Variants in CLCA2 observed in about 807,000 individuals in gnomAD.
CLCA2 encodes chloride channel accessory 2.
In CLCA2, 85 loss-of-function variants were observed where a neutral mutation model predicts 82.9. The observed-to-expected ratio is 1.03, with a 90% CI of 0.86 to 1.23. The LOEUF (loss-of-function observed/expected upper bound fraction) is 1.23. CLCA2 is among the 50% of genes most tolerant of loss of function. The pLI is 0.00. For synonymous variants in CLCA2, 421 were observed against 391.7 expected, an observed-to-expected ratio of 1.07 and a Z score of -0.88; for missense variants, 1,089 against 1,124.8, an observed-to-expected ratio of 0.97 and a Z score of 0.45.
intron 5 of CLCA2, among the ~76,000 whole-genome samples, chr1:86,433,563 C>G (rs1397258890): frequency 1.3e-5 from 2 of 152,178 alleles, no homozygotes; most frequent in Non-Finnish European, 2.9e-5. Flanking sequence ...TAGGTACTAT[C>G]TTCACGATGT....
intron 5 of CLCA2, 31 bp from the exon 6 acceptor site, chr1:86,434,485 CCT>C: frequency 6.4e-7 from 1 of 1,558,070 alleles, no homozygotes; most frequent in Non-Finnish European, 8.8e-7. Context: ...GGGAGAAGTG[CCT>C]CTCTTTATTA....
In CLCA2 at chr1:86,447,674, A is replaced by G; in HGVS notation, c.1880A>G (p.Asn627Ser). 1.2e-6 allele frequency: 2 copies of G among 1,614,112 alleles called. No individual in the cohort carries two copies. The highest frequency in any genetic ancestry group is 1.7e-6 in the Non-Finnish European group (2 of 1,180,018). ...HFPHPVMIYA[N>S]VKQGFYPILN... ...CCTCATCCTGTGATGATTTATGCCA[A>G]TGTGAAACAGGGATTTTATCCCATT... Residue 627 changes from asparagine (N) to serine (S), a missense_variant, in exon 11 of 14, where the codon AAT (asparagine) becomes AGT (serine). By Grantham distance (46) the Asn-to-Ser change is conservative. Transcript: ENST00000370565.
intron 9 of CLCA2, among the ~76,000 whole-genome samples, chr1:86,443,525 G>T (rs1026555079): frequency 6.6e-6 from 1 of 152,146 alleles, no homozygotes; most frequent in African/African-American, 2.4e-5. Flanking sequence ...ATAATATGAG[G>T]ACAGCTAACA....
In CLCA2 at chr1:86,447,725, T is replaced by C. The variant is rs1396362290; in HGVS notation, c.1931T>C (p.Val644Ala). Residue 644 changes from valine (V) to alanine (A), a missense_variant, in exon 11 of 14, where the codon GTT (valine) becomes GCT (alanine). Val to Ala is a moderately conservative substitution (Grantham distance 64). Transcript: ENST00000370565. ...CTTAATGCCACTGTCACTGCCACAG[T>C]TGAGCCAGAGACTGGAGATCCTGTT... ...PILNATVTAT[V>A]EPETGDPVTL... is the part of the protein sequence containing the mutation. The C allele has an allele frequency of 3.7e-6, 6 of 1,614,020 alleles. No homozygotes were observed. In the Admixed American group the frequency reaches 8.3e-5, roughly 22 times the overall value.
At chr1:86,454,590 G>A (rs1318936953) in intron 13 of CLCA2, among the ~76,000 whole-genome samples, 2 of 152,152 alleles carry the variant, frequency 1.3e-5, no homozygotes, top group South Asian at 2.1e-4. Context: ...TCAGGAGTTC[G>A]AGACCAGCCT....
Position 86,430,178 on chromosome 1 carries a change from T to C in CLCA2, c.476-684T>C, listed in dbSNP as rs143348904. Among the ~76,000 whole-genome samples, 675 of 152,184 alleles carry C rather than the reference T, an allele frequency of 4.4e-3. 3 individuals carry two copies. The highest frequency in any genetic ancestry group is 0.015 in the African/African-American group (610 of 41,520). ...ATATGGGAAAGCTGTGGTCTGAACT[T>C]TGAAGGGAATGTAAGATTTTGAGAG... On this transcript the variant is annotated intron_variant, in intron 3 of 13. Coordinates refer to ENST00000370565, the MANE Select transcript of CLCA2 (RefSeq NM_006536.7).
rs140802254 is a variant in CLCA2, at chr1:86,451,717, C to T, written c.2155+984C>T. Among the ~76,000 whole-genome samples the T allele has an allele frequency of 5.1e-3, 780 of 152,232 alleles. 6 individuals are homozygous for T. The highest frequency in any genetic ancestry group is 0.013 in the Admixed American group (199 of 15,276). Reference sequence around the variant, plus strand: ...CATTGCCTGGTTTTGAAACCCAGCTCCTCCATTTACTAGCTGTGTGACTTT... The same window carrying T: ...CATTGCCTGGTTTTGAAACCCAGCTTCTCCATTTACTAGCTGTGTGACTTT... On this transcript the variant is annotated intron_variant, in intron 12 of 13. Coordinates refer to ENST00000370565, the MANE Select transcript of CLCA2 (RefSeq NM_006536.7).
In CLCA2 at chr1:86,443,994, A is replaced by T. The variant is rs1662796728; in HGVS notation, c.1696A>T (p.Ile566Phe). The T allele has an allele frequency of 6.2e-7, 1 of 1,610,618 alleles. No homozygotes were observed. The highest frequency in any genetic ancestry group is 1.1e-5 in the South Asian group (1 of 90,990). Residue 566 changes from isoleucine (I) to phenylalanine (F), a missense_variant, in exon 10 of 14, where the codon ATT (isoleucine) becomes TTT (phenylalanine). By Grantham distance (21) the Ile-to-Phe change is conservative (BLOSUM62 0). Coordinates refer to ENST00000370565, the MANE Select transcript of CLCA2 (RefSeq NM_006536.7). ...NLTFRTASLWIPGTAKPGHWT... is the reference protein window; with the variant it reads ...NLTFRTASLWFPGTAKPGHWT... The stretch of plus-strand genomic sequence containing the variant: ...AACTTTTCGGACAGCTAGTCTTTGG[A>T]TTCCAGGAACAGCTAAGGTAGGTGT...
chr1:86,425,205 T>C, intron 1 of CLCA2, 134 bp from the exon 2 acceptor site: 1 of 516,794 alleles, frequency 1.9e-6, no homozygotes. Context: ...TCCCAAAGTC[T>C]AGGGCTTTCT....
In CLCA2 at chr1:86,456,085, G is replaced by T. The variant is rs1663072112; in HGVS notation, c.*558G>T. ...CAGAGATCTTTTTTCACTGTAAGAG[G>T]TAACCTTTAACAATATGGGTATTAC... On this transcript the variant is annotated 3_prime_UTR_variant, in exon 14 of 14. Coordinates refer to ENST00000370565, the MANE Select transcript of CLCA2 (RefSeq NM_006536.7). 1 of 152,078 alleles carries T rather than the reference G, an allele frequency of 6.6e-6. No individual in the cohort carries two copies. The highest frequency in any genetic ancestry group is 1.5e-5 in the Non-Finnish European group (1 of 68,022). The allele number at this position is 152,078 out of a possible 1,614,324, so 9.4% of individuals were successfully genotyped here.
Position 86,431,991 on chromosome 1 carries a change from A to C in CLCA2, c.585-378A>C, listed in dbSNP as rs1050227087. Among the ~76,000 whole-genome samples the C allele has an allele frequency of 5.9e-5, 9 of 152,246 alleles. No individual in the cohort carries two copies. The East Asian group carries it at 1.7e-3, about 29-fold the overall frequency. ...GCTCCTGTCGCCCAGGCTGGAGTGC[A>C]ATGGCACGATTTCGGCTCACTGAAA... On this transcript the variant is annotated intron_variant, in intron 4 of 13. Coordinates refer to ENST00000370565, the MANE Select transcript of CLCA2 (RefSeq NM_006536.7).
chr1:86,434,615 A>G lies in CLCA2; in HGVS notation c.842A>G (p.Asp281Gly), dbSNP rs200893967. The G allele has an allele frequency of 1.9e-6, 3 of 1,614,062 alleles. No individual in the cohort carries two copies. Among genetic ancestry groups the G allele is most frequent in the Non-Finnish European group, 2.5e-6 (3 of 1,179,976 alleles). The change falls in exon 6 of 14, where the codon GAC becomes GGC. Residue 281 changes from aspartate (D) to glycine (G), a missense_variant. Asp to Gly is a moderately conservative substitution (Grantham distance 94). Transcript: ENST00000370565. ...SLRSAWDVIT[D>G]SADFHHSFPM... is the part of the protein sequence containing the mutation. ...AGAAGTGCATGGGATGTAATCACAG[A>G]CTCTGCTGACTTTCACCACAGCTTT...
At chr1:86,447,266 G>A (rs922068949) in intron 10 of CLCA2, among the ~76,000 whole-genome samples, 3 of 152,046 alleles carry the variant, frequency 2.0e-5, no homozygotes, top group African/African-American at 7.2e-5. Flanking sequence ...AAATAAATTC[G>A]AGGTGTAATT....
In CLCA2 at chr1:86,455,446, C is replaced by T. The variant is rs201693829; in HGVS notation, c.2751C>T (p.Cys917=). 33 of 1,584,290 alleles carry T rather than the reference C, an allele frequency of 2.1e-5. No homozygotes were observed. The highest frequency in any genetic ancestry group is 9.3e-5 in the Admixed American group (5 of 53,504). Residue 917 remains cysteine (C), a synonymous_variant, in exon 14 of 14, where the codon TGC becomes TGT. Coordinates refer to ENST00000370565, the MANE Select transcript of CLCA2 (RefSeq NM_006536.7). ...LTAMGLIGII[C]LIIVVTHHTL... The stretch of plus-strand genomic sequence containing the variant: ...CAATGGGTTTGATAGGAATCATTTG[C>T]CTTATTATAGTTGTGACACATCATA...
intron 12 of CLCA2, 75 bp from the exon 13 acceptor site, chr1:86,453,294 T>C (rs989340801): frequency 2.1e-5 from 23 of 1,110,570 alleles, no homozygotes; most frequent in Non-Finnish European, 3.0e-5. Context: ...TAAGAAAGTC[T>C]CACTGTGTCA....
At chr1:86,441,614 G>T in intron 9 of CLCA2, 71 bp downstream of exon 9, 1 of 994,952 alleles carries the variant, frequency 1.0e-6, no homozygotes, top group Non-Finnish European at 1.6e-6. Flanking sequence ...GGAAATCAAC[G>T]AATTGTGCTA....
At chr1:86,438,034 G>T (rs1326851147) in intron 6 of CLCA2, among the ~76,000 whole-genome samples, 1 of 152,102 alleles carries the variant, frequency 6.6e-6, no homozygotes, top group Non-Finnish European at 1.5e-5. Flanking sequence ...AAAGTGTAGA[G>T]TTGCCATCTT....
chr1:86,441,318 T>A (rs751729499), intron 8 of CLCA2, 119 bp from the exon 9 acceptor site: 6 of 610,372 alleles, frequency 9.8e-6, no homozygotes, highest in Non-Finnish European at 1.7e-5. Context: ...CAAGCACAGC[T>A]CCCATTTCCC....
chr1:86,432,554 C>A (rs369409166), intron 5 of CLCA2, 26 bp downstream of exon 5: 1 of 1,601,358 alleles, frequency 6.2e-7, no homozygotes, highest in Non-Finnish European at 8.5e-7. Context: ...GAATGACACA[C>A]TCTTGCAGGA....
Sources: allele counts gnomAD v4.1 joint callset (sites outside exome capture counted in the v4.1 genomes callset), GRCh38; gene constraint gnomAD v4.1.1; transcripts MANE v1.5; gene names NCBI Gene and HGNC (gene_info 2026-07-23, HGNC 2026-07-21).